PTTG1IP2: variants seen among roughly 807,000 people sequenced by gnomAD.
PTTG1IP2 encodes PTTG1IP family member 2.
intron 2 of PTTG1IP2, among the ~76,000 whole-genome samples, chr7:90,486,723 G>T (rs958783207): frequency 3.9e-5 from 6 of 152,102 alleles, no homozygotes; most frequent in Non-Finnish European, 7.4e-5. Context: ...AAGAGTGATA[G>T]AGAGATTTTA....
rs1434939799 is a variant in PTTG1IP2 at position 90,488,862 on chromosome 7, A to G, written c.287-9A>G. ...TAACTTAAAATATATTTCTTTTTAT[A>G]CATTTCAGTTGACATGTTTGGAATC... On this transcript the variant is annotated splice_polypyrimidine_tract_variant and intron_variant, in intron 3 of 6. Transcript: ENST00000509356. 2 of 151,992 alleles carry G rather than the reference A, an allele frequency of 1.3e-5. No individual in the cohort carries two copies. The highest frequency in any genetic ancestry group is 2.9e-5 in the Non-Finnish European group (2 of 67,858). The allele number at this position is 151,992 out of a possible 1,614,324, so 9.4% of individuals were successfully genotyped here.
chr7:90,493,154 G>T (rs1797958037), intron 5 of PTTG1IP2, among the ~76,000 whole-genome samples: 1 of 152,076 alleles, frequency 6.6e-6, no homozygotes, highest in Non-Finnish European at 1.5e-5. Context: ...CAGGGTGCGG[G>T]GGGGCTTCAG....
chr7:90,476,121 C>G (rs1211401813), intron 1 of PTTG1IP2, among the ~76,000 whole-genome samples: 1 of 19,674 alleles, frequency 5.1e-5, no homozygotes, highest in Non-Finnish European at 1.4e-4. Context: ...AAAAAATACT[C>G]AATAATATCC....
chr7:90,482,722 A>AT (rs1318810176), intron 2 of PTTG1IP2, among the ~76,000 whole-genome samples: 7 of 151,922 alleles, frequency 4.6e-5, no homozygotes, highest in Admixed American at 2.6e-4. Flanking sequence ...AAGACTTGTC[A>AT]TAAGTACATT....
intron 6 of PTTG1IP2, among the ~76,000 whole-genome samples, chr7:90,499,466 G>A (rs914542868): frequency 2.6e-5 from 4 of 152,168 alleles, no homozygotes; most frequent in Non-Finnish European, 4.4e-5. Context: ...CAATGTAACT[G>A]CAGAACAGCA....
At chr7:90,507,969 A>C (rs1318451228) in intron 6 of PTTG1IP2, among the ~76,000 whole-genome samples, 4 of 152,126 alleles carry the variant, frequency 2.6e-5, no homozygotes, top group Admixed American at 6.6e-5. Context: ...GATACTATAA[A>C]ATATCAGACT....
At chr7:90,472,507 T>C (rs75745387) in intron 1 of PTTG1IP2, among the ~76,000 whole-genome samples, 1,982 of 152,298 alleles carry the variant, frequency 0.013, 36 homozygotes, top group African/African-American at 0.045. Flanking sequence ...GGCCAAATAA[T>C]TTGAATATAA....
At chr7:90,486,102 G>C (rs1440549104) in intron 2 of PTTG1IP2, among the ~76,000 whole-genome samples, 1 of 152,176 alleles carries the variant, frequency 6.6e-6, no homozygotes, top group Non-Finnish European at 1.5e-5. Context: ...TACTTACGCA[G>C]TGTCTAAGGG....
At chr7:90,494,302 G>C (rs754017412) in intron 5 of PTTG1IP2, 65 bp from the exon 6 acceptor site, 3 of 151,876 alleles carry the variant, frequency 2.0e-5, no homozygotes, top group African/African-American at 7.3e-5. Flanking sequence ...TAAAAATTAC[G>C]TAAGTTTTTA....
intron 5 of PTTG1IP2, among the ~76,000 whole-genome samples, chr7:90,492,825 T>G (rs1006170474): frequency 6.6e-6 from 1 of 152,158 alleles, no homozygotes; most frequent in African/African-American, 2.4e-5. Flanking sequence ...CTTTCCCAGA[T>G]TAATTCACTT....
intron 4 of PTTG1IP2, among the ~76,000 whole-genome samples, chr7:90,490,705 T>C (rs1219145236): frequency 6.6e-6 from 1 of 152,178 alleles, no homozygotes; most frequent in African/African-American, 2.4e-5. Flanking sequence ...AAATATATAT[T>C]TTCTTCTTAG....
At chr7:90,490,261 T>C (rs1797922734) in intron 4 of PTTG1IP2, among the ~76,000 whole-genome samples, 1 of 152,074 alleles carries the variant, frequency 6.6e-6, no homozygotes, top group Admixed American at 6.5e-5. Context: ...TAGTTTTTTC[T>C]CCTTCATCCC....
At chr7:90,487,301 T>C (rs1300054511) in intron 2 of PTTG1IP2, 26 bp from the exon 3 acceptor site, 1 of 152,648 alleles carries the variant, frequency 6.6e-6, no homozygotes, top group Middle Eastern at 3.2e-3. Context: ...TGGACACCAC[T>C]TTTATTTTTC....
intron 2 of PTTG1IP2, 145 bp from the exon 3 acceptor site, chr7:90,487,182 A>G (rs1412164699): frequency 3.3e-5 from 5 of 152,596 alleles, no homozygotes; most frequent in Non-Finnish European, 5.9e-5. Context: ...AGGAGATCTC[A>G]ATAAGTTACC....
chr7:90,491,119 T>G (rs1181825031), intron 4 of PTTG1IP2, among the ~76,000 whole-genome samples: 1 of 152,210 alleles, frequency 6.6e-6, no homozygotes, highest in Non-Finnish European at 1.5e-5. Context: ...TCAAAATACT[T>G]ATTGGTACAT....
chr7:90,495,730 C>T (rs752075707), intron 6 of PTTG1IP2, among the ~76,000 whole-genome samples: 1 of 152,242 alleles, frequency 6.6e-6, no homozygotes, highest in African/African-American at 2.4e-5. Context: ...AGTAGAGTGA[C>T]CATGTATCTT....
intron 2 of PTTG1IP2, among the ~76,000 whole-genome samples, chr7:90,480,328 T>C (rs1020752696): frequency 6.6e-5 from 10 of 152,208 alleles, no homozygotes; most frequent in African/African-American, 2.4e-4. Context: ...CCCTCTTCCA[T>C]AGACTTCCTT....
At chr7:90,512,512 C>G (rs960848422) in intron 6 of PTTG1IP2, among the ~76,000 whole-genome samples, 3 of 152,108 alleles carry the variant, frequency 2.0e-5, no homozygotes, top group Non-Finnish European at 1.5e-5. Flanking sequence ...GTTAGAGAAA[C>G]TGGAAGTTCT....
chr7:90,491,256 T>C (rs576904377), intron 4 of PTTG1IP2, among the ~76,000 whole-genome samples: 1 of 152,370 alleles, frequency 6.6e-6, no homozygotes, highest in East Asian at 1.9e-4. Context: ...TGTCATCTAT[T>C]CTTTTAGCAA....
Sources: allele counts gnomAD v4.1 joint callset (sites outside exome capture counted in the v4.1 genomes callset), GRCh38; gene constraint gnomAD v4.1.1; transcripts MANE v1.5; gene names NCBI Gene and HGNC (gene_info 2026-07-23, HGNC 2026-07-21).